SLC2A13: variants seen among roughly 807,000 people sequenced by gnomAD.
SLC2A13 encodes solute carrier family 2 member 13, also known as proton myo-inositol cotransporter.
SLC2A13 carries 32 observed loss-of-function variants against 64.4 expected under a neutral mutation model. The ratio of observed to expected loss-of-function variants is 0.50; its 90% CI spans 0.37 to 0.67. The LOEUF is 0.67. Among genes scored for constraint, SLC2A13 ranks in the 30% least tolerant of loss-of-function variants. SLC2A13 has a pLI of 0.00. For synonymous variants in SLC2A13, 338 were observed against 327.1 expected, an observed-to-expected ratio of 1.03 and a Z score of -0.36; for missense variants, 743 against 829.2, an observed-to-expected ratio of 0.90 and a Z score of 1.28.
chr12:39,960,629 C>CT (rs1393945955), intron 3 of SLC2A13, among the ~76,000 whole-genome samples: 3 of 152,138 alleles, frequency 2.0e-5, no homozygotes, highest in Admixed American at 2.0e-4. Flanking sequence ...ATCCACCCAC[C>CT]TCAACCTCCA....
intron 7 of SLC2A13, among the ~76,000 whole-genome samples, chr12:39,811,482 C>G (rs1942157408): frequency 6.6e-6 from 1 of 151,898 alleles, no homozygotes; most frequent in South Asian, 2.1e-4. Flanking sequence ...TTAGCTGTCC[C>G]CTGACGTTCT....
At chr12:40,071,518 T>G (rs995358367) in intron 1 of SLC2A13, among the ~76,000 whole-genome samples, 22 of 152,186 alleles carry the variant, frequency 1.4e-4, no homozygotes, top group African/African-American at 4.8e-4. Flanking sequence ...ACTGGCTTCA[T>G]AAAATGAGTT....
At chr12:40,088,373 T>C (rs1194092666) in intron 1 of SLC2A13, among the ~76,000 whole-genome samples, 3 of 152,332 alleles carry the variant, frequency 2.0e-5, no homozygotes, top group Admixed American at 6.5e-5. Flanking sequence ...AATTACAAGT[T>C]AGAAGAAATT....
At chr12:40,030,096 TTAAC>T (rs1418884997) in intron 2 of SLC2A13, among the ~76,000 whole-genome samples, 4 of 152,226 alleles carry the variant, frequency 2.6e-5, no homozygotes, top group African/African-American at 9.6e-5. Context: ...ACTTTCTACA[TTAAC>T]TAACCAGAAA....
chr12:39,884,184 G>A (rs1944414969), intron 4 of SLC2A13, among the ~76,000 whole-genome samples: 1 of 152,046 alleles, frequency 6.6e-6, no homozygotes, highest in Non-Finnish European at 1.5e-5. Flanking sequence ...GCTCAGGCTG[G>A]TCTCAAACTC....
Position 39,864,885 on chromosome 12 carries a change from T to TAAA in SLC2A13, c.1199-6_1199-4dup. The TAAA allele has an allele frequency of 8.0e-7, 1 of 1,253,634 alleles. No individual in the cohort carries two copies. The highest frequency in any genetic ancestry group is 1.1e-6 in the Non-Finnish European group (1 of 913,114). The allele number at this position is 1,253,634 out of a possible 1,614,324, so 77.7% of individuals were successfully genotyped here. A position where few individuals can be genotyped will look rare whatever the true frequency, so the allele number is the denominator to read the frequency against. On this transcript the variant is annotated splice_polypyrimidine_tract_variant and splice_region_variant and intron_variant, in intron 5 of 9. Coordinates refer to ENST00000280871, the MANE Select transcript of SLC2A13 (RefSeq NM_052885.4). Reference sequence around the variant, plus strand: ...AATAATGAGTGCTACGGTGGTACCTTAAAAAAAAAAAGTTTTATATTAGAG... The same window carrying TAAA: ...AATAATGAGTGCTACGGTGGTACCTTAAAAAAAAAAAAAAGTTTTATATTAGAG...
Position 39,760,184 on chromosome 12 carries a change from T to C in SLC2A13, c.1789A>G (p.Thr597Ala), listed in dbSNP as rs749309444. 5.0e-6 allele frequency: 8 copies of C among 1,612,688 alleles called. No individual in the cohort carries two copies. The African/African-American group carries it at 6.7e-5, about 13-fold the overall frequency. The change falls in exon 10 of 10, where the codon ACC becomes GCC. Residue 597 changes from threonine to alanine, a missense_variant. Thr to Ala is a moderately conservative substitution (Grantham distance 58). Transcript: ENST00000280871. ...LLFIYGCLPE[T>A]KGKKLEEIES... Reference sequence around the variant, plus strand: ...ATTTCCTCTAATTTTTTGCCTTTGGTCTCAGGAAGACAGCCATAGATGAAA... The same window carrying C: ...ATTTCCTCTAATTTTTTGCCTTTGGCCTCAGGAAGACAGCCATAGATGAAA...
At chr12:39,913,587 A>C (rs990754664) in intron 4 of SLC2A13, among the ~76,000 whole-genome samples, 2 of 151,914 alleles carry the variant, frequency 1.3e-5, no homozygotes, top group African/African-American at 4.8e-5. Context: ...CAAAAAATAC[A>C]TAAGTATTAA....
intron 6 of SLC2A13, among the ~76,000 whole-genome samples, chr12:39,857,553 T>G (rs549580632): frequency 6.6e-6 from 1 of 152,338 alleles, no homozygotes; most frequent in South Asian, 2.1e-4. Flanking sequence ...TCTTTTAACC[T>G]TTCTCCCTTC....
intron 2 of SLC2A13, among the ~76,000 whole-genome samples, chr12:40,034,492 T>G (rs889386320): frequency 2.6e-5 from 4 of 152,196 alleles, no homozygotes; most frequent in Admixed American, 6.5e-5. Context: ...TCTCTAATAA[T>G]ATCCAATACT....
At chr12:40,027,005 G>A (rs28370785) in intron 3 of SLC2A13, among the ~76,000 whole-genome samples, 3,499 of 152,006 alleles carry the variant, frequency 0.023, 145 homozygotes, top group African/African-American at 0.08. Context: ...ACTTGAACTC[G>A]GGAGGCGGAG....
intron 1 of SLC2A13, among the ~76,000 whole-genome samples, chr12:40,092,982 G>A (rs1355549835): frequency 1.3e-5 from 2 of 152,200 alleles, no homozygotes; most frequent in African/African-American, 2.4e-5. Context: ...ATGTGGAATA[G>A]ATATATCCCA....
At chr12:39,895,317 C>T (rs184464056) in intron 4 of SLC2A13, among the ~76,000 whole-genome samples, 1,763 of 151,148 alleles carry the variant, frequency 0.012, 20 homozygotes, top group Middle Eastern at 0.031. Flanking sequence ...GGGGAAATCC[C>T]GTCTCTACTA....
chr12:40,033,095 G>A (rs1325082840), intron 2 of SLC2A13, among the ~76,000 whole-genome samples: 1 of 152,186 alleles, frequency 6.6e-6, no homozygotes, highest in African/African-American at 2.4e-5. Flanking sequence ...ACAACCCTAT[G>A]AGGCGAGTGC....
intron 3 of SLC2A13, among the ~76,000 whole-genome samples, chr12:39,985,127 A>G (rs1038265097): frequency 3.9e-5 from 6 of 152,190 alleles, no homozygotes; most frequent in African/African-American, 1.4e-4. Flanking sequence ...CAATCTGGAA[A>G]ATTACAAAAA....
At chr12:39,981,415 T>G (rs1946893807) in intron 3 of SLC2A13, among the ~76,000 whole-genome samples, 1 of 150,984 alleles carries the variant, frequency 6.6e-6, no homozygotes, top group Non-Finnish European at 1.5e-5. Flanking sequence ...TCAACAAAAT[T>G]GATAGACCGC....
intron 3 of SLC2A13, among the ~76,000 whole-genome samples, chr12:39,997,023 T>G (rs1053885386): frequency 6.6e-6 from 1 of 152,072 alleles, no homozygotes; most frequent in East Asian, 1.9e-4. Flanking sequence ...TTCACAGAGT[T>G]AGAAAAAACA....
At chr12:40,042,959 G>GAAAAAAAAAAAAAAAAAAAAAAA in intron 2 of SLC2A13, among the ~76,000 whole-genome samples, 1 of 111,460 alleles carries the variant, frequency 9.0e-6, no homozygotes, top group Non-Finnish European at 1.8e-5. Context: ...GCATAAGAAT[G>GAAAAAAAAAAAAAAAAAAAAAAA]AAAAAAAAAA....
intron 7 of SLC2A13, among the ~76,000 whole-genome samples, chr12:39,783,332 C>T (rs1027381107): frequency 2.0e-5 from 3 of 152,170 alleles, no homozygotes; most frequent in Non-Finnish European, 4.4e-5. Flanking sequence ...AATAAACATA[C>T]GTGTGCATGT....
Sources: gnomAD v4.1 joint callset for allele counts (sites outside exome capture counted in the v4.1 genomes callset) on GRCh38, gnomAD v4.1.1 for gene constraint, MANE v1.5 for transcripts, NCBI Gene and HGNC (gene_info 2026-07-23, HGNC 2026-07-21) for gene names.